Variants in AGBL4 observed in about 807,000 individuals in gnomAD.
The protein encoded by AGBL4 is cytosolic carboxypeptidase 6.
Under a neutral mutation model 66.4 loss-of-function variants are expected in AGBL4, and 58 were observed. That is an observed-to-expected ratio of 0.87 (90% CI 0.71 to 1.09). AGBL4 has a LOEUF of 1.09. Among genes scored for constraint, AGBL4 ranks in the 50% least tolerant of loss-of-function variants. The pLI is 0.00. For synonymous variants in AGBL4, 234 were observed against 222.9 expected (o/e 1.05, Z -0.44); for missense variants, 579 against 631.0 (o/e 0.92, Z 0.88).
intron 3 of AGBL4, among the ~76,000 whole-genome samples, chr1:49,681,007 C>T (rs1646682983): frequency 6.6e-6 from 1 of 152,004 alleles, no homozygotes; most frequent in Non-Finnish European, 1.5e-5. Flanking sequence ...CTATTGAGCA[C>T]ATTCACTGAG....
intron 6 of AGBL4, among the ~76,000 whole-genome samples, chr1:48,756,250 C>A (rs1338508822): frequency 6.6e-6 from 1 of 152,226 alleles, no homozygotes; most frequent in East Asian, 1.9e-4. Context: ...ATCATTCAGG[C>A]TTCAGCCTAA....
chr1:49,988,468 A>C (rs953207224), intron 1 of AGBL4, among the ~76,000 whole-genome samples: 1 of 152,166 alleles, frequency 6.6e-6, no homozygotes, highest in African/African-American at 2.4e-5. Context: ...GCTAGAGTGC[A>C]CATTTTCCCC....
chr1:49,807,999 G>A (rs1375554023), intron 2 of AGBL4, among the ~76,000 whole-genome samples: 6 of 152,176 alleles, frequency 3.9e-5, no homozygotes. Flanking sequence ...CCAACCTCCA[G>A]AACTGTGAGA....
intron 3 of AGBL4, among the ~76,000 whole-genome samples, chr1:49,659,222 C>T (rs1646219088): frequency 6.6e-6 from 1 of 152,190 alleles, no homozygotes; most frequent in Admixed American, 6.5e-5. Flanking sequence ...TTGAAGTACA[C>T]AGACCAATGA....
intron 6 of AGBL4, among the ~76,000 whole-genome samples, chr1:48,789,569 A>T (rs189619186): frequency 6.6e-6 from 1 of 152,150 alleles, no homozygotes; most frequent in Non-Finnish European, 1.5e-5. Flanking sequence ...GATTACAGGC[A>T]TGAGCCACAC....
At chr1:49,206,725 C>T (rs1205760958) in intron 4 of AGBL4, among the ~76,000 whole-genome samples, 2 of 152,056 alleles carry the variant, frequency 1.3e-5, no homozygotes, top group Non-Finnish European at 2.9e-5. Context: ...GGAGTATCAG[C>T]ATAGAGATGA....
At chr1:49,304,496 C>T (rs534494509) in intron 3 of AGBL4, among the ~76,000 whole-genome samples, 1 of 152,192 alleles carries the variant, frequency 6.6e-6, no homozygotes, top group African/African-American at 2.4e-5. Context: ...CTTCAGGAAT[C>T]CTTGACATGG....
chr1:48,528,059 G>A (rs893527594), downstream of AGBL4, among the ~76,000 whole-genome samples: 1 of 152,096 alleles, frequency 6.6e-6, no homozygotes. Flanking sequence ...TAGAGGGAGG[G>A]AAATGCACAA....
chr1:49,642,729 G>T (rs1480166141), intron 3 of AGBL4, among the ~76,000 whole-genome samples: 1 of 151,928 alleles, frequency 6.6e-6, no homozygotes, highest in African/African-American at 2.4e-5. Flanking sequence ...AAAGTACTCA[G>T]AACAGTTTTG....
intron 9 of AGBL4, among the ~76,000 whole-genome samples, chr1:48,621,732 G>A (rs12566140): frequency 0.045 from 6,803 of 151,924 alleles, 159 homozygotes; most frequent in Non-Finnish European, 0.051. Flanking sequence ...TCCATTATAT[G>A]AATGTATCAT....
intron 6 of AGBL4, among the ~76,000 whole-genome samples, chr1:48,754,619 A>G (rs1401774462): frequency 6.6e-6 from 1 of 152,182 alleles, no homozygotes; most frequent in Non-Finnish European, 1.5e-5. Flanking sequence ...AACACTTACA[A>G]TATGGGGGTC....
At chr1:49,457,573 C>T (rs1422953344) in intron 3 of AGBL4, among the ~76,000 whole-genome samples, 5 of 151,778 alleles carry the variant, frequency 3.3e-5, no homozygotes, top group African/African-American at 1.2e-4. Flanking sequence ...AACTCGGTTC[C>T]ATCTTTTTAT....
At chr1:49,798,732 T>C (rs923717576) in intron 2 of AGBL4, among the ~76,000 whole-genome samples, 4 of 152,200 alleles carry the variant, frequency 2.6e-5, no homozygotes, top group Non-Finnish European at 5.9e-5. Context: ...ACTTTCTATA[T>C]GACAATTGCA....
At chr1:48,724,000 T>A (rs560166578) in intron 6 of AGBL4, among the ~76,000 whole-genome samples, 1 of 152,208 alleles carries the variant, frequency 6.6e-6, no homozygotes, top group Non-Finnish European at 1.5e-5. Flanking sequence ...AAAGCCCCCA[T>A]GTATGGAGAA....
intron 3 of AGBL4, among the ~76,000 whole-genome samples, chr1:49,352,469 T>C (rs1233746686): frequency 1.3e-5 from 2 of 150,564 alleles, no homozygotes; most frequent in Non-Finnish European, 3.0e-5. Context: ...TGATGGCTGC[T>C]TAATCTGCAC....
intron 6 of AGBL4, among the ~76,000 whole-genome samples, chr1:48,675,729 C>T (rs1646354255): frequency 6.6e-6 from 1 of 152,160 alleles, no homozygotes; most frequent in Admixed American, 6.5e-5. Flanking sequence ...GAACAGTGAC[C>T]ATTAGAGCTG....
chr1:48,710,411 C>A (rs1380298680), intron 6 of AGBL4, among the ~76,000 whole-genome samples: 2 of 152,180 alleles, frequency 1.3e-5, no homozygotes, highest in African/African-American at 2.4e-5. Context: ...CTGTCTGGGG[C>A]TGCCCAAAGA....
intron 2 of AGBL4, among the ~76,000 whole-genome samples, chr1:49,768,189 T>C (rs762085870): frequency 6.6e-6 from 1 of 152,020 alleles, no homozygotes; most frequent in Non-Finnish European, 1.5e-5. Flanking sequence ...CCAGGATTAC[T>C]GTGACACCAA....
rs664052 is a variant in AGBL4 at position 49,085,016 on chromosome 1, T to C, written c.378-39216A>G. On this transcript the variant is annotated intron_variant, in intron 4 of 13. Transcript: ENST00000371839. Reference sequence around the variant, plus strand: ...GACTGAGCCAAGGGATGCTGACAGCTAGTGAAACATTATTTCTGGGTGTAT... The same window carrying C: ...GACTGAGCCAAGGGATGCTGACAGCCAGTGAAACATTATTTCTGGGTGTAT... Among the ~76,000 whole-genome samples the C allele has an allele frequency of 6.9e-3, 1,052 of 152,264 alleles. 11 individuals carry two copies. Among genetic ancestry groups the C allele is most frequent in the African/African-American group, 0.024 (1,000 of 41,550 alleles).
Sources: allele counts gnomAD v4.1 joint callset (sites outside exome capture counted in the v4.1 genomes callset), GRCh38; gene constraint gnomAD v4.1.1; transcripts MANE v1.5; gene names NCBI Gene and HGNC (gene_info 2026-07-23, HGNC 2026-07-21).